DLGAP2: variants seen among roughly 807,000 people sequenced by gnomAD.
DLGAP2 encodes the protein DLG associated protein 2, also known as disks large-associated protein 2.
Under a neutral mutation model 100.3 loss-of-function variants are expected in DLGAP2, and 26 were observed. That is an observed-to-expected ratio of 0.26 (90% CI 0.19 to 0.36). DLGAP2 has a LOEUF of 0.36. DLGAP2 is among the 10% of genes least tolerant of loss of function. The pLI, the probability that DLGAP2 is intolerant of heterozygous loss-of-function variation, is 1.00. For synonymous variants in DLGAP2, 886 were observed against 630.1 expected (o/e 1.41, Z -6.08); for missense variants, 1,858 against 1,453.2 (o/e 1.28, Z -4.53).
intron 2 of DLGAP2, among the ~76,000 whole-genome samples, chr8:1,039,316 G>A (rs929985442): frequency 1.4e-5 from 2 of 147,204 alleles, no homozygotes; most frequent in African/African-American, 5.2e-5. Context: ...TCAGCTCGGT[G>A]TGCGTGGTCA....
At chr8:1,423,155 G>A (rs907137013) in intron 3 of DLGAP2, among the ~76,000 whole-genome samples, 27 of 152,324 alleles carry the variant, frequency 1.8e-4, no homozygotes, top group African/African-American at 6.0e-4. Context: ...AACAGCTAAA[G>A]CCTAGGTGGC....
At chr8:1,113,640 C>G (rs1300271125) in intron 2 of DLGAP2, among the ~76,000 whole-genome samples, 1 of 152,152 alleles carries the variant, frequency 6.6e-6, no homozygotes, top group Non-Finnish European at 1.5e-5. Context: ...TTGTCATCTA[C>G]AAACAGGGGT....
chr8:1,219,070 A>G (rs1256270967), intron 2 of DLGAP2, among the ~76,000 whole-genome samples: 1 of 152,202 alleles, frequency 6.6e-6, no homozygotes, highest in African/African-American at 2.4e-5. Context: ...GTCTAAAGAC[A>G]GGTAGTTTGA....
chr8:1,577,915 G>A lies in DLGAP2; in HGVS notation c.1442+12021G>A, dbSNP rs116483309. 2.1e-3 allele frequency among the ~76,000 whole-genome samples: 324 copies of A among 152,350 alleles called. 1 individual carries two copies. Among genetic ancestry groups the A allele is most frequent in the African/African-American group, 7.1e-3 (297 of 41,582 alleles). The stretch of plus-strand genomic sequence containing the variant: ...TCCGAGGTGCCACTGGCACCAGCGC[G>A]AGTGCTCATAGCTGCCAGAGGCAAG... On this transcript the variant is annotated intron_variant, in intron 6 of 14. Coordinates refer to ENST00000637795, the MANE Select transcript of DLGAP2 (RefSeq NM_001346810.2).
chr8:1,459,833 G>T (rs911389369), intron 3 of DLGAP2, among the ~76,000 whole-genome samples: 2 of 151,822 alleles, frequency 1.3e-5, no homozygotes, highest in African/African-American at 4.8e-5. Context: ...TTGCAGGTGC[G>T]CACCACCACG....
intron 2 of DLGAP2, among the ~76,000 whole-genome samples, chr8:1,110,389 G>A (rs1420647697): frequency 6.8e-6 from 1 of 146,354 alleles, no homozygotes; most frequent in Admixed American, 6.9e-5. Context: ...TATGGAGTAT[G>A]CTGGATCTGT....
At chr8:1,664,647 T>C (rs1798498764) in intron 8 of DLGAP2, among the ~76,000 whole-genome samples, 1 of 152,210 alleles carries the variant, frequency 6.6e-6, no homozygotes, top group Non-Finnish European at 1.5e-5. Flanking sequence ...AAAACCCATA[T>C]GGTAACAGCA....
intron 1 of DLGAP2, among the ~76,000 whole-genome samples, chr8:897,380 C>T (rs936877425): frequency 3.9e-5 from 6 of 152,158 alleles, no homozygotes; most frequent in African/African-American, 1.4e-4. Context: ...AACTGGAAAG[C>T]TTTAGGAAGG....
chr8:1,296,260 G>A (rs909904822), intron 3 of DLGAP2: 2 of 151,444 alleles, frequency 1.3e-5, no homozygotes, highest in Non-Finnish European at 2.9e-5. Flanking sequence ...TTGTTGAATA[G>A]ATATGACCCT....
At chr8:1,000,275 C>T (rs1178551943) in intron 2 of DLGAP2, among the ~76,000 whole-genome samples, 2 of 150,364 alleles carry the variant, frequency 1.3e-5, no homozygotes, top group African/African-American at 4.9e-5. Context: ...CTAGAGCGGA[C>T]AGATCCGGGT....
chr8:1,674,144 C>T (rs1798755451), intron 10 of DLGAP2, among the ~76,000 whole-genome samples: 1 of 152,218 alleles, frequency 6.6e-6, no homozygotes, highest in Admixed American at 6.5e-5. Flanking sequence ...GCCTCAGTGT[C>T]CTGGGCTCAA....
chr8:1,373,113 G>C (rs150613350), intron 3 of DLGAP2, among the ~76,000 whole-genome samples: 3 of 152,224 alleles, frequency 2.0e-5, no homozygotes, highest in African/African-American at 4.8e-5. Flanking sequence ...CCGTGCCTGG[G>C]GGGGCGCCAG....
intron 3 of DLGAP2, among the ~76,000 whole-genome samples, chr8:1,281,326 G>T (rs1045146232): frequency 6.6e-6 from 1 of 152,156 alleles, no homozygotes; most frequent in African/African-American, 2.4e-5. Context: ...TCCGCCCCTC[G>T]CTCCCGGCGA....
At chr8:1,600,559 C>T (rs915382105) in intron 6 of DLGAP2, among the ~76,000 whole-genome samples, 8 of 152,084 alleles carry the variant, frequency 5.3e-5, no homozygotes, top group Non-Finnish European at 1.0e-4. Flanking sequence ...TTCTTGGAGG[C>T]TTTGTTTGTT....
At position 1,170,896 on chromosome 8, in the gene DLGAP2, T is replaced by C. The variant is rs1395600608; in HGVS notation, c.74-87955T>C. 2.7e-5 allele frequency among the ~76,000 whole-genome samples: 4 copies of C among 148,372 alleles called. No homozygotes were observed. In the East Asian group the frequency reaches 7.8e-4, roughly 29 times the overall value. On this transcript the variant is annotated intron_variant, in intron 2 of 14. Coordinates refer to ENST00000637795, the MANE Select transcript of DLGAP2 (RefSeq NM_001346810.2). Reference sequence around the variant, plus strand: ...GTCTCTATTTCCTTCAGTTCTGCTCTGATTTTAGTTATTTCTTGCCTTCTG... The same window carrying C: ...GTCTCTATTTCCTTCAGTTCTGCTCCGATTTTAGTTATTTCTTGCCTTCTG...
chr8:1,484,410 CAAAAG>C (rs1425094247), intron 3 of DLGAP2, among the ~76,000 whole-genome samples: 4 of 152,314 alleles, frequency 2.6e-5, no homozygotes, highest in Middle Eastern at 6.8e-3. Context: ...AGGGACACTT[CAAAAG>C]AAAAAGGGAA....
At chr8:1,624,690 C>G (rs1443369281) in intron 6 of DLGAP2, among the ~76,000 whole-genome samples, 1 of 151,926 alleles carries the variant, frequency 6.6e-6, no homozygotes, top group Non-Finnish European at 1.5e-5. Context: ...GGGACAGGGC[C>G]CCTGCTGGTG....
chr8:864,366 A>G (rs955114537), intron 1 of DLGAP2, among the ~76,000 whole-genome samples: 2 of 152,218 alleles, frequency 1.3e-5, no homozygotes, highest in African/African-American at 4.8e-5. Flanking sequence ...CGATGAAAGT[A>G]GGAGATGATG....
At chr8:1,177,975 G>A (rs1187122453) in intron 2 of DLGAP2, among the ~76,000 whole-genome samples, 2 of 152,230 alleles carry the variant, frequency 1.3e-5, no homozygotes, top group Admixed American at 1.3e-4. Context: ...CTCCAACACA[G>A]CATCTCCCGG....
Sources: allele counts gnomAD v4.1 joint callset (sites outside exome capture counted in the v4.1 genomes callset), GRCh38; gene constraint gnomAD v4.1.1; transcripts MANE v1.5; gene names NCBI Gene and HGNC (gene_info 2026-07-23, HGNC 2026-07-21).